Variants in ROBO2 observed in about 807,000 individuals in gnomAD.
ROBO2 encodes roundabout guidance receptor 2.
ROBO2 carries 53 observed loss-of-function variants against 160.8 expected under a neutral mutation model. That is an observed-to-expected ratio of 0.33 (90% CI 0.26 to 0.41). The LOEUF is 0.41. Ranked by LOEUF, ROBO2 falls within the 10% of genes least tolerant of loss-of-function variation. The pLI is 1.00. For missense variants in ROBO2, 1,577 were observed against 1,722.4 expected, an observed-to-expected ratio of 0.92 and a Z score of 1.49; for synonymous variants, 664 against 611.7, an observed-to-expected ratio of 1.09 and a Z score of -1.26.
chr3:76,688,136 ATAT>A (rs1196489175), intron 2 of ROBO2, among the ~76,000 whole-genome samples: 2 of 152,224 alleles, frequency 1.3e-5, no homozygotes, highest in Non-Finnish European at 2.9e-5. Context: ...TTAAGGGAAC[ATAT>A]TATGTAATAT....
chr3:77,054,479 G>A (rs1485725295), intron 1 of ROBO2, among the ~76,000 whole-genome samples: 1 of 152,182 alleles, frequency 6.6e-6, no homozygotes, highest in Non-Finnish European at 1.5e-5. Flanking sequence ...ATTGGATGGA[G>A]TAGGGAAGCA....
rs112527644 is a variant in ROBO2, at chr3:76,132,401, G to T, written c.109+194799G>T. ...GCCCAAATTCCAGACTGTTGGGGGG[G>T]GGGGGGGACGCAGATGTTCAGCATA... On this transcript the variant is annotated intron_variant, in intron 2 of 26. Coordinates refer to the ROBO2 transcript ENST00000487694. Among the ~76,000 whole-genome samples the T allele has an allele frequency of 3.8e-4, 43 of 113,348 alleles. 1 individual carries two copies. In the East Asian group the frequency reaches 5.5e-3, roughly 14 times the overall value. 74.4% of individuals were successfully genotyped at this position (113,348 alleles called of 152,430 possible).
intron 2 of ROBO2, among the ~76,000 whole-genome samples, chr3:77,398,997 A>G (rs1307125446): frequency 6.6e-6 from 1 of 152,152 alleles, no homozygotes; most frequent in Non-Finnish European, 1.5e-5. Flanking sequence ...GTCCTGTTTC[A>G]GAAATTAGCA....
chr3:77,601,693 G>T (rs2094433659), intron 19 of ROBO2, among the ~76,000 whole-genome samples: 1 of 152,116 alleles, frequency 6.6e-6, no homozygotes, highest in Non-Finnish European at 1.5e-5. Flanking sequence ...CTTTTCTGGA[G>T]CAATTAAATC....
intron 2 of ROBO2, among the ~76,000 whole-genome samples, chr3:76,202,647 AT>A (rs1448870574): frequency 1.3e-5 from 2 of 152,056 alleles, no homozygotes; most frequent in Non-Finnish European, 1.5e-5. Flanking sequence ...TACAACCAAA[AT>A]TTTTTTCCAT....
chr3:76,811,916 G>T (rs1045380114), intron 2 of ROBO2, among the ~76,000 whole-genome samples: 1 of 143,542 alleles, frequency 7.0e-6, no homozygotes, highest in Non-Finnish European at 1.5e-5. Flanking sequence ...TGTATCCCAC[G>T]CTGGAGTGCA....
At chr3:76,835,920 A>C (rs62261813) in intron 2 of ROBO2, among the ~76,000 whole-genome samples, 19,487 of 151,900 alleles carry the variant, frequency 0.13, 1,406 homozygotes, top group East Asian at 0.24. Context: ...TGATTAGACA[A>C]TTTGGATTCT....
intron 1 of ROBO2, among the ~76,000 whole-genome samples, chr3:77,097,604 G>T (rs2071260263): frequency 6.6e-6 from 1 of 152,074 alleles, no homozygotes; most frequent in Non-Finnish European, 1.5e-5. Flanking sequence ...TAACATATTG[G>T]CAGCACATTA....
chr3:76,416,423 T>TG lies in ROBO2; in HGVS notation c.109+478822dup, dbSNP rs377366226. On this transcript the variant is annotated intron_variant, in intron 2 of 26. Coordinates refer to the ROBO2 transcript ENST00000487694. ...TTATTGAACATTAAAACTGTGTGTG[T>TG]GTGGGGGGGAAATAATTTACATCAG... Among the ~76,000 whole-genome samples the TG allele has an allele frequency of 5.7e-3, 862 of 152,066 alleles. 6 individuals are homozygous for TG. Among genetic ancestry groups the TG allele is most frequent in the African/African-American group, 0.02 (818 of 41,418 alleles).
chr3:76,768,917 T>A (rs552015768), intron 2 of ROBO2, among the ~76,000 whole-genome samples: 1 of 151,606 alleles, frequency 6.6e-6, no homozygotes, highest in African/African-American at 2.4e-5. Flanking sequence ...TCCCTTTATA[T>A]ACTTGAAGAT....
At chr3:76,011,889 A>G (rs922200220) in intron 2 of ROBO2, among the ~76,000 whole-genome samples, 4 of 152,192 alleles carry the variant, frequency 2.6e-5, no homozygotes, top group Non-Finnish European at 5.9e-5. Flanking sequence ...TTTTAAGGAT[A>G]CAATATTGTT....
chr3:77,194,336 C>T (rs1406957883), intron 2 of ROBO2, among the ~76,000 whole-genome samples: 3 of 152,172 alleles, frequency 2.0e-5, no homozygotes, highest in Non-Finnish European at 2.9e-5. Context: ...CTGTTCTTTA[C>T]GTAAGTTCAC....
chr3:76,955,152 C>T (rs1196910906), intron 2 of ROBO2, among the ~76,000 whole-genome samples: 1 of 152,138 alleles, frequency 6.6e-6, no homozygotes, highest in Admixed American at 6.5e-5. Flanking sequence ...GATTGTTTCA[C>T]TTAGAATAAT....
intron 2 of ROBO2, among the ~76,000 whole-genome samples, chr3:75,977,256 C>G (rs1476792121): frequency 6.6e-6 from 1 of 151,346 alleles, no homozygotes. Context: ...ACGACTAGAG[C>G]ACAGATCAGA....
chr3:76,332,115 T>C (rs1206287652), intron 2 of ROBO2, among the ~76,000 whole-genome samples: 1 of 152,230 alleles, frequency 6.6e-6, no homozygotes, highest in East Asian at 1.9e-4. Context: ...ATATTTTGAA[T>C]ACATTTCCAT....
chr3:76,770,170 A>G (rs1212391233), intron 2 of ROBO2, among the ~76,000 whole-genome samples: 1 of 151,438 alleles, frequency 6.6e-6, no homozygotes, highest in Non-Finnish European at 1.5e-5. Flanking sequence ...GCATAATTCG[A>G]TAACAAAATA....
intron 2 of ROBO2, among the ~76,000 whole-genome samples, chr3:76,168,500 A>G (rs2072918247): frequency 6.6e-6 from 1 of 152,082 alleles, no homozygotes; most frequent in South Asian, 2.1e-4. Context: ...CTTAGGTATC[A>G]GTATTTTCTC....
At chr3:76,935,978 A>G (rs967218969) in intron 2 of ROBO2, among the ~76,000 whole-genome samples, 61 of 152,170 alleles carry the variant, frequency 4.0e-4, no homozygotes, top group African/African-American at 1.2e-3. Flanking sequence ...TGGGGAGGGG[A>G]CACAAACATA....
At chr3:76,966,312 G>A (rs1483136733) in intron 2 of ROBO2, among the ~76,000 whole-genome samples, 2 of 152,120 alleles carry the variant, frequency 1.3e-5, no homozygotes, top group Non-Finnish European at 2.9e-5. Flanking sequence ...TATATTTCTT[G>A]AGCCCCTAAC....
Sources: allele counts gnomAD v4.1 joint callset (sites outside exome capture counted in the v4.1 genomes callset), GRCh38; gene constraint gnomAD v4.1.1; transcripts MANE v1.5; gene names NCBI Gene and HGNC (gene_info 2026-07-23, HGNC 2026-07-21).